Variants in GBA1 observed in about 807,000 individuals in gnomAD.
GBA1 encodes lysosomal acid glucosylceramidase.
chr1:155,237,870 C>G, the GBA1 span: 1 of 649,560 alleles, frequency 1.5e-6, no homozygotes, highest in Admixed American at 2.9e-5. Context: ...CCACAGCACT[C>G]CAGCCTGGGT....
the GBA1 span, among the ~76,000 whole-genome samples, chr1:155,243,018 G>C: frequency 6.6e-6 from 1 of 152,226 alleles, no homozygotes; most frequent in Non-Finnish European, 1.5e-5. Context: ...TAAAAGGGGA[G>C]TGATAACTCC....
At chr1:155,239,984 A>G in the GBA1 span, 2 of 1,614,100 alleles carry the variant, frequency 1.2e-6, no homozygotes, top group Non-Finnish European at 1.7e-6. Flanking sequence ...AAGGGCAGGA[A>G]AGGTCGGGGG....
At chr1:155,243,056 A>T in the GBA1 span, among the ~76,000 whole-genome samples, 1 of 152,212 alleles carries the variant, frequency 6.6e-6, no homozygotes, top group Non-Finnish European at 1.5e-5. Flanking sequence ...GTGAGGTTTG[A>T]GTGTGATAAT....
chr1:155,244,206 T>G, the GBA1 span: 4 of 152,182 alleles, frequency 2.6e-5, no homozygotes, highest in Non-Finnish European at 1.5e-5. Flanking sequence ...GAGACCAGCC[T>G]GACCAACATG....
the GBA1 span, among the ~76,000 whole-genome samples, chr1:155,241,476 G>A: frequency 6.6e-6 from 1 of 152,068 alleles, no homozygotes; most frequent in African/African-American, 2.4e-5. Flanking sequence ...CCCAGAGGAT[G>A]GGAACCACAG....
chr1:155,238,097 G>T, the GBA1 span: 2 of 1,604,990 alleles, frequency 1.2e-6, no homozygotes, highest in Non-Finnish European at 1.7e-6. Context: ...CTAAATGGGA[G>T]GCCAGTCCTG....
chr1:155,238,236 GA>G, the GBA1 span: 1 of 1,613,778 alleles, frequency 6.2e-7, no homozygotes, highest in South Asian at 1.1e-5. Flanking sequence ...CCAAGTGGGT[GA>G]TGTCCAGGGG....
chr1:155,239,803 G>A, the GBA1 span: 243 of 1,613,830 alleles, frequency 1.5e-4, no homozygotes, highest in Non-Finnish European at 1.9e-4. Context: ...AGTACCCAGC[G>A]GGAAACTCCA....
At chr1:155,237,853 G>T in the GBA1 span, 5 of 674,226 alleles carry the variant, frequency 7.4e-6, no homozygotes, top group African/African-American at 1.8e-5. Flanking sequence ...AGTGAGTGAA[G>T]ATGGCGCCAC....
At chr1:155,236,686 C>T in the GBA1 span, among the ~76,000 whole-genome samples, 1 of 152,026 alleles carries the variant, frequency 6.6e-6, no homozygotes, top group African/African-American at 2.4e-5. Context: ...TTCCTAGGGT[C>T]AACTGATCCT....
At chr1:155,235,854 G>A in the GBA1 span, 2 of 1,614,238 alleles carry the variant, frequency 1.2e-6, no homozygotes, top group Non-Finnish European at 1.7e-6. Flanking sequence ...TCTAGGGTAA[G>A]GACAAAGGCA....
the GBA1 span, chr1:155,240,090 G>T: frequency 3.7e-6 from 6 of 1,611,558 alleles, no homozygotes; most frequent in Non-Finnish European, 4.2e-6. Flanking sequence ...GGGAGGGAGG[G>T]AGTACAAGCA....
chr1:155,240,785 G>A, the GBA1 span: 7 of 1,373,280 alleles, frequency 5.1e-6, no homozygotes, highest in Non-Finnish European at 7.3e-6. Flanking sequence ...CTCCTGGGCA[G>A]GGCTTAGCTG....
the GBA1 span, among the ~76,000 whole-genome samples, chr1:155,243,652 A>T: frequency 2.0e-5 from 3 of 152,090 alleles, no homozygotes; most frequent in African/African-American, 7.2e-5. Context: ...TTTTGTAGAG[A>T]CGGGGTCTTA....
chr1:155,237,961 A>G, the GBA1 span: 3 of 729,048 alleles, frequency 4.1e-6, no homozygotes, highest in African/African-American at 3.6e-5. Flanking sequence ...GAGAACAGGA[A>G]GCCTGATGGA....
the GBA1 span, chr1:155,235,082 AG>A: frequency 1.7e-6 from 2 of 1,202,162 alleles, no homozygotes; most frequent in African/African-American, 3.5e-5. Flanking sequence ...TGATGGTAAG[AG>A]GCACATCCTT....
At chr1:155,243,836 G>C in the GBA1 span, among the ~76,000 whole-genome samples, 1 of 151,532 alleles carries the variant, frequency 6.6e-6, no homozygotes, top group South Asian at 2.1e-4. Context: ...GCAGTGGCAC[G>C]ATCTCGGTTC....
the GBA1 span, chr1:155,236,303 T>C: frequency 1.2e-6 from 2 of 1,614,182 alleles, no homozygotes; most frequent in South Asian, 2.2e-5. Context: ...CCGCACACTC[T>C]GCTCCCAGAA....
chr1:155,237,162 G>A, the GBA1 span, among the ~76,000 whole-genome samples: 25 of 152,110 alleles, frequency 1.6e-4, no homozygotes, highest in Admixed American at 2.6e-4. Context: ...GAGCCACCTC[G>A]CCCAGCCCCT....
Sources: allele counts gnomAD v4.1 joint callset (sites outside exome capture counted in the v4.1 genomes callset), GRCh38; gene constraint gnomAD v4.1.1; transcripts MANE v1.5; gene names NCBI Gene and HGNC (gene_info 2026-07-23, HGNC 2026-07-21).